DEFB129: variants seen among roughly 807,000 people sequenced by gnomAD.
DEFB129 encodes defensin beta 129.
A neutral mutation model predicts 2.5 loss-of-function variants in DEFB129; 2 were observed. The observed-to-expected ratio is 0.80, with a 90% CI of 0.33 to 2.53. The LOEUF (loss-of-function observed/expected upper bound fraction) is 2.53, where lower values mean the gene tolerates loss of function less well. Ranked by LOEUF, DEFB129 falls within the 30% of genes most tolerant of loss-of-function variation. The pLI is 0.11. For synonymous variants in DEFB129, 76 were observed against 74.4 expected, an observed-to-expected ratio of 1.02 and a Z score of -0.11; for missense variants, 177 against 216.9, an observed-to-expected ratio of 0.82 and a Z score of 1.16.
intron 1 of DEFB129, among the ~76,000 whole-genome samples, chr20:228,957 ATG>A (rs2011309196): frequency 6.6e-6 from 1 of 152,188 alleles, no homozygotes; most frequent in African/African-American, 2.4e-5. Flanking sequence ...TGGGATAGTG[ATG>A]TCTGACAAGT....
chr20:227,591 A>G (rs1339953725), intron 1 of DEFB129, among the ~76,000 whole-genome samples: 1 of 152,202 alleles, frequency 6.6e-6, no homozygotes, highest in Non-Finnish European at 1.5e-5. Flanking sequence ...CTATTCAGAA[A>G]CTATCCAAAA....
chr20:229,797 A>G lies in DEFB129; in HGVS notation c.*26A>G. ...TGTGGATCTTTCCCTTAAAACTCCA[A>G]GTTCCTCTCTATTTTTGCTATCTAT... On this transcript the variant is annotated 3_prime_UTR_variant, in exon 2 of 2. Coordinates refer to ENST00000246105, the MANE Select transcript of DEFB129 (RefSeq NM_080831.4). The G allele has an allele frequency of 6.3e-7, 1 of 1,584,236 alleles. No individual in the cohort carries two copies. The highest frequency in any genetic ancestry group is 8.5e-7 in the Non-Finnish European group (1 of 1,170,706).
At position 227,308 on chromosome 20, in the gene DEFB129, T is replaced by C. The variant is rs1170370576; in HGVS notation, c.20T>C (p.Ile7Thr). Residue 7 changes from isoleucine (I) to threonine (T), a missense_variant, in exon 1 of 2, where the codon ATC (isoleucine) becomes ACC (threonine). Transcript: ENST00000246105. ...CCAACCATGAAGCTCCTTTTTCCTA[T>C]CTTTGCCAGCCTCATGCTACAGTAC... Reference protein sequence around the residue: MKLLFPIFASLMLQYQV... With the variant: MKLLFPTFASLMLQYQV... 3 of 1,614,024 alleles carry C rather than the reference T, an allele frequency of 1.9e-6. No homozygotes were observed. Among genetic ancestry groups the C allele is most frequent in the Admixed American group, 1.7e-5 (1 of 60,008 alleles).
chr20:229,490 G>T lies in DEFB129; in HGVS notation c.271G>T (p.Ala91Ser), dbSNP rs774993609. Residue 91 changes from alanine to serine, a missense_variant, in exon 2 of 2, where the codon GCT becomes TCT. Coordinates refer to ENST00000246105, the MANE Select transcript of DEFB129 (RefSeq NM_080831.4). Reference protein sequence around the residue: ...EMLKPAKNSSAVIQRKHILSV... With the variant: ...EMLKPAKNSSSVIQRKHILSV... ...GCTAAAACCTGCCAAGAATTCTAGT[G>T]CTGTGATACAAAGAAAACATATTTT... 1.2e-6 allele frequency: 2 copies of T among 1,614,008 alleles called. No homozygotes were observed. The highest frequency in any genetic ancestry group is 2.7e-5 in the African/African-American group (2 of 74,930).
intron 1 of DEFB129, among the ~76,000 whole-genome samples, chr20:228,767 A>G (rs2011307887): frequency 6.6e-6 from 1 of 152,232 alleles, no homozygotes; most frequent in Non-Finnish European, 1.5e-5. Context: ...GAAGAGATAG[A>G]ACACCATGCT....
chr20:227,683 T>A (rs544332646), intron 1 of DEFB129, among the ~76,000 whole-genome samples: 36 of 151,178 alleles, frequency 2.4e-4, no homozygotes, highest in African/African-American at 8.6e-4. Context: ...TCTATTTCTA[T>A]CTTAAAAGCC....
At position 229,353 on chromosome 20, in the gene DEFB129, T is replaced by C. The variant is rs1322938314; in HGVS notation, c.134T>C (p.Ile45Thr). 3.7e-6 allele frequency: 6 copies of C among 1,613,952 alleles called. No individual in the cohort carries two copies. Among genetic ancestry groups the C allele is most frequent in the South Asian group, 1.1e-5 (1 of 91,060 alleles). The change falls in exon 2 of 2, where the codon ATA becomes ACA. Residue 45 changes from isoleucine (I) to threonine (T), a missense_variant. Transcript: ENST00000246105. ...RDHCNVDEKE[I>T]QKCKMKKCCV... ...CACTGCAATGTGGATGAAAAAGAGA[T>C]ACAGAAATGCAAGATGAAAAAATGT...
chr20:229,061 C>CT (rs2011309999), intron 1 of DEFB129, among the ~76,000 whole-genome samples: 2 of 152,162 alleles, frequency 1.3e-5, no homozygotes, highest in South Asian at 4.1e-4. Context: ...TAAAGTTACT[C>CT]AAGGAAGGCA....
rs1206675183 is a variant in DEFB129 at position 229,497 on chromosome 20, T to C, written c.278T>C (p.Ile93Thr). ...CCTGCCAAGAATTCTAGTGCTGTGA[T>C]ACAAAGAAAACATATTTTATCTGTT... is the stretch of plus-strand genomic sequence containing the variant. ...LKPAKNSSAV[I>T]QRKHILSVLP... Residue 93 changes from isoleucine to threonine, a missense_variant, in exon 2 of 2, where the codon ATA becomes ACA. Coordinates refer to ENST00000246105, the MANE Select transcript of DEFB129 (RefSeq NM_080831.4). 1 of 1,614,192 alleles carries C rather than the reference T, an allele frequency of 6.2e-7. No homozygotes were observed. Among genetic ancestry groups the C allele is most frequent in the Admixed American group, 1.7e-5 (1 of 60,030 alleles).
At chr20:229,231 C>A (rs759540090) in intron 1 of DEFB129, 47 bp from the exon 2 acceptor site, 26 of 1,532,628 alleles carry the variant, frequency 1.7e-5, no homozygotes, top group Non-Finnish European at 2.2e-5. Context: ...TTAACATCAT[C>A]TCTAGTTATT....
At chr20:228,176 G>T (rs1247512820) in intron 1 of DEFB129, among the ~76,000 whole-genome samples, 1 of 152,208 alleles carries the variant, frequency 6.6e-6, no homozygotes, top group Non-Finnish European at 1.5e-5. Flanking sequence ...ACTGAGATTT[G>T]TTTCAGAATA....
intron 1 of DEFB129, 75 bp from the exon 2 acceptor site, chr20:229,203 C>A (rs2122159729): frequency 6.6e-7 from 1 of 1,503,960 alleles, no homozygotes; most frequent in Non-Finnish European, 8.9e-7. Flanking sequence ...TTAGTCTATC[C>A]ATCTCCCACT....
Position 229,296 on chromosome 20 carries a change from G to A in DEFB129, c.77G>A (p.Arg26His), listed in dbSNP as rs148426835. The change falls in exon 2 of 2, where the codon CGC (arginine) becomes CAC (histidine). Residue 26 changes from arginine to histidine, a missense_variant. Coordinates refer to ENST00000246105, the MANE Select transcript of DEFB129 (RefSeq NM_080831.4). ...TATACAGAATTTATTGGCTTGAGAC[G>A]CTGTTTAATGGGTTTGGGGAGATGC... ...QVNTEFIGLR[R>H]CLMGLGRCRD... The A allele has an allele frequency of 2.9e-5, 46 of 1,586,510 alleles. No homozygotes were observed. The highest frequency in any genetic ancestry group is 1.7e-4 in the Middle Eastern group (1 of 5,900).
At chr20:228,258 GCTTCTAATGTTTTTAT>G (rs145418613) in intron 1 of DEFB129, among the ~76,000 whole-genome samples, 5,068 of 152,242 alleles carry the variant, frequency 0.033, 136 homozygotes, top group African/African-American at 0.081. Context: ...TGTCAAAGAT[GCTTCTAATGTTTTTAT>G]CTTCTAATGT....
Position 229,339 on chromosome 20 carries a change from G to A in DEFB129, c.120G>A (p.Val40=), listed in dbSNP as rs1482511768. The A allele has an allele frequency of 1.9e-6, 3 of 1,613,896 alleles. No individual in the cohort carries two copies. The Admixed American group carries it at 5.0e-5, about 27-fold the overall frequency. The change falls in exon 2 of 2, where the codon GTG becomes GTA. Residue 40 remains valine, a synonymous_variant. Coordinates refer to ENST00000246105, the MANE Select transcript of DEFB129 (RefSeq NM_080831.4). ...GGAGATGCAGGGATCACTGCAATGTGGATGAAAAAGAGATACAGAAATGCA... is the reference window on the plus strand; with the variant it reads ...GGAGATGCAGGGATCACTGCAATGTAGATGAAAAAGAGATACAGAAATGCA... The part of the protein sequence containing the change: ...GLGRCRDHCN[V]DEKEIQKCKM...
At position 229,441 on chromosome 20, in the gene DEFB129, A is replaced by G; in HGVS notation, c.222A>G (p.Val74=). Residue 74 remains valine, a synonymous_variant, in exon 2 of 2, where the codon GTA becomes GTG. Coordinates refer to ENST00000246105, the MANE Select transcript of DEFB129 (RefSeq NM_080831.4). ...ACCTGCAATATGGAACACCAAATGT[A>G]CTTAATGAAGACGTCCAAGAAATGC... is the stretch of plus-strand genomic sequence containing the variant. The part of the protein sequence containing the change: ...KNYLQYGTPN[V]LNEDVQEMLK... 3 of 1,614,192 alleles carry G rather than the reference A, an allele frequency of 1.9e-6. No homozygotes were observed. The highest frequency in any genetic ancestry group is 2.5e-6 in the Non-Finnish European group (3 of 1,180,034).
Position 229,433 on chromosome 20 carries a change from C to T in DEFB129, c.214C>T (p.Pro72Ser). The T allele has an allele frequency of 6.2e-7, 1 of 1,614,106 alleles. No individual in the cohort carries two copies. The highest frequency in any genetic ancestry group is 8.5e-7 in the Non-Finnish European group (1 of 1,180,018). Residue 72 changes from proline to serine, a missense_variant, in exon 2 of 2, where the codon CCA becomes TCA. By Grantham distance (74) the Pro-to-Ser change is moderately conservative. Coordinates refer to ENST00000246105, the MANE Select transcript of DEFB129 (RefSeq NM_080831.4). ...LIKNYLQYGT[P>S]NVLNEDVQEM... ...TAAAAACTACCTGCAATATGGAACA[C>T]CAAATGTACTTAATGAAGACGTCCA...
Position 229,598 on chromosome 20 carries a change from T to C in DEFB129, c.379T>C (p.Ser127Pro), listed in dbSNP as rs1006708654. ...CATTCCAAATGCCACCCCTATGAACTCTGCCACCATCAGCACTATGACCCC... is the reference window on the plus strand; with the variant it reads ...CATTCCAAATGCCACCCCTATGAACCCTGCCACCATCAGCACTATGACCCC... ...VIIPNATPMNSATISTMTPGQ... is the reference protein window; with the variant it reads ...VIIPNATPMNPATISTMTPGQ... Residue 127 changes from serine (S) to proline (P), a missense_variant, in exon 2 of 2, where the codon TCT (serine) becomes CCT (proline). Coordinates refer to ENST00000246105, the MANE Select transcript of DEFB129 (RefSeq NM_080831.4). The C allele has an allele frequency of 9.9e-6, 16 of 1,614,040 alleles. No homozygotes were observed. The highest frequency in any genetic ancestry group is 1.4e-5 in the Non-Finnish European group (16 of 1,180,036).
rs41275426 is a variant in DEFB129, at chr20:229,828, G to A, written c.*57G>A. 0.011 allele frequency: 16,425 copies of A among 1,545,732 alleles called. 111 individuals carry two copies. The highest frequency in any genetic ancestry group is 0.013 in the Non-Finnish European group (14,802 of 1,154,558). On this transcript the variant is annotated 3_prime_UTR_variant, in exon 2 of 2. Coordinates refer to ENST00000246105, the MANE Select transcript of DEFB129 (RefSeq NM_080831.4). ...TCTCTATTTTTGCTATCTATAAAAT[G>A]ACATAGAACTGTTTCCTCTGTCATC...
Sources: gnomAD v4.1 joint callset for allele counts (sites outside exome capture counted in the v4.1 genomes callset) on GRCh38, gnomAD v4.1.1 for gene constraint, MANE v1.5 for transcripts, NCBI Gene and HGNC (gene_info 2026-07-23, HGNC 2026-07-21) for gene names.